Variants in SETD5 observed in about 807,000 individuals in gnomAD.
The protein encoded by SETD5 is SET domain containing 5.
Under a neutral mutation model 153.3 loss-of-function variants are expected in SETD5, and 44 were observed. The observed-to-expected ratio is 0.29, with a 90% confidence interval of 0.23 to 0.37. SETD5 has a LOEUF of 0.37. SETD5 is among the 10% of genes least tolerant of loss of function. The probability of loss-of-function intolerance (pLI) is 1.00; values close to 1 mark genes in which losing one functional copy is unlikely to be tolerated. For missense variants in SETD5, 1,544 were observed against 1,768.0 expected (o/e 0.87, Z 2.27); for synonymous variants, 716 against 645.2 (o/e 1.11, Z -1.66).
rs542855438 is a variant in SETD5 at position 9,424,519 on chromosome 3, A to G, written c.-124A>G. Reference sequence around the variant, plus strand: ...GGGGGGACTTCATATTCAGAAGTCTATATAAAGGTGACTGACCCAAGTAAA... The same window carrying G: ...GGGGGGACTTCATATTCAGAAGTCTGTATAAAGGTGACTGACCCAAGTAAA... On this transcript the variant is annotated 5_prime_UTR_variant, in exon 2 of 23. Transcript: ENST00000402198. 68 of 152,324 alleles carry G rather than the reference A, an allele frequency of 4.5e-4. No individual in the cohort carries two copies. The highest frequency in any genetic ancestry group is 1.5e-3 in the African/African-American group (62 of 41,572). 9.4% of individuals were successfully genotyped at this position (152,324 alleles called of 1,614,324 possible). A position where few individuals can be genotyped will look rare whatever the true frequency, so the allele number is the denominator to read the frequency against.
Position 9,437,391 on chromosome 3 carries a change from G to C in SETD5, c.567+1485G>C, listed in dbSNP as rs971848910. On this transcript the variant is annotated intron_variant, in intron 7 of 22. Transcript: ENST00000402198. ...GATATCAAATAAAAGAGTTTATGAA[G>C]TATGATTTTGTAAAGAACTTGGAGA... Among the ~76,000 whole-genome samples the C allele has an allele frequency of 2.0e-5, 3 of 152,152 alleles. No individual in the cohort carries two copies. In the East Asian group the frequency reaches 5.8e-4, roughly 29 times the overall value.
intron 7 of SETD5, 51 bp from the exon 8 acceptor site, chr3:9,440,405 C>A: frequency 1.0e-6 from 1 of 987,034 alleles, no homozygotes; most frequent in Non-Finnish European, 1.6e-6. Context: ...CATTCCCAAC[C>A]CTCTATTTAT....
intron 7 of SETD5, among the ~76,000 whole-genome samples, chr3:9,438,688 C>G (rs2040895390): frequency 6.6e-6 from 1 of 152,196 alleles, no homozygotes; most frequent in African/African-American, 2.4e-5. Context: ...TCAAGAGCAG[C>G]TTCCCTACTG....
intron 10 of SETD5, 71 bp downstream of exon 10, chr3:9,442,316 A>G (rs2041390445): frequency 1.8e-6 from 2 of 1,096,460 alleles, no homozygotes; most frequent in East Asian, 2.5e-5. Flanking sequence ...AAGCAGTGTG[A>G]AAACTTCACT....
Position 9,397,912 on chromosome 3 carries a change from C to G in SETD5, c.-242C>G, listed in dbSNP as rs1291906928. On this transcript the variant is annotated 5_prime_UTR_variant, in exon 1 of 23. Transcript: ENST00000402198. ...CGCCGCGTTGGGCCTAACTCGAGTC[C>G]TGCCGCCTCCCGGGAGTGCCGTGCG... is the stretch of plus-strand genomic sequence containing the variant. 6.6e-6 allele frequency: 1 copy of G among 152,232 alleles called. No individual in the cohort carries two copies. Among genetic ancestry groups the G allele is most frequent in the South Asian group, 2.1e-4 (1 of 4,820 alleles). 9.4% of individuals were successfully genotyped at this position (152,232 alleles called of 1,614,324 possible).
chr3:9,451,853 C>G (rs1430472751), intron 16 of SETD5, among the ~76,000 whole-genome samples: 1 of 152,174 alleles, frequency 6.6e-6, no homozygotes, highest in Non-Finnish European at 1.5e-5. Context: ...ATCTTTGAGC[C>G]TCCCAGAAAA....
At chr3:9,419,551 C>T (rs117546159) in intron 1 of SETD5, among the ~76,000 whole-genome samples, 1 of 152,034 alleles carries the variant, frequency 6.6e-6, no homozygotes, top group Non-Finnish European at 1.5e-5. Flanking sequence ...GAGTGACAGA[C>T]CCTGTCTCAA....
intron 1 of SETD5, among the ~76,000 whole-genome samples, chr3:9,403,330 G>A (rs974801352): frequency 6.6e-6 from 1 of 152,152 alleles, no homozygotes; most frequent in African/African-American, 2.4e-5. Context: ...CTAGGTGCAA[G>A]TCACCTCCCG....
intron 1 of SETD5, among the ~76,000 whole-genome samples, chr3:9,422,059 T>G (rs2038491323): frequency 1.3e-5 from 2 of 152,158 alleles, no homozygotes; most frequent in Admixed American, 1.3e-4. Context: ...TTTTATAATT[T>G]TATAATACTG....
rs574958767 is a variant in SETD5 at position 9,452,833 on chromosome 3, G to A, written c.2347-906G>A. Among the ~76,000 whole-genome samples the A allele has an allele frequency of 2.6e-5, 4 of 151,958 alleles. No individual in the cohort carries two copies. In the South Asian group the frequency reaches 8.3e-4, roughly 32 times the overall value. On this transcript the variant is annotated intron_variant, in intron 16 of 22. Transcript: ENST00000402198. Reference sequence around the variant, plus strand: ...ATTCACCTTTGCTCTTCCTATTGGGGGAGGGTCTTACTCAGAAATTGATGT... The same window carrying A: ...ATTCACCTTTGCTCTTCCTATTGGGAGAGGGTCTTACTCAGAAATTGATGT...
intron 1 of SETD5, among the ~76,000 whole-genome samples, chr3:9,417,554 C>G (rs1267364199): frequency 6.6e-6 from 1 of 151,380 alleles, no homozygotes; most frequent in Non-Finnish European, 1.5e-5. Flanking sequence ...GGCGTGATCT[C>G]CACTCACTGC....
At chr3:9,400,667 C>G (rs943710358) in intron 1 of SETD5, among the ~76,000 whole-genome samples, 1 of 152,138 alleles carries the variant, frequency 6.6e-6, no homozygotes, top group Admixed American at 6.5e-5. Context: ...AAGATTGATT[C>G]ATTATATACA....
In SETD5 at chr3:9,442,240, G is replaced by T; in HGVS notation, c.1072G>T (p.Ala358Ser). The change falls in exon 10 of 23, where the codon GCA becomes TCA. Residue 358 changes from alanine (A) to serine (S), a missense_variant. By Grantham distance (99) the Ala-to-Ser change is moderately conservative (BLOSUM62 1). Coordinates refer to ENST00000402198, the MANE Select transcript of SETD5 (RefSeq NM_001080517.3). ...RFIRRSCTPN[A>S]EVRHMIADGM... ...CATCAGAAGATCATGTACACCAAAT[G>T]CAGAGGTAAGATATCTGTAGCAACT... is the stretch of plus-strand genomic sequence containing the variant. The T allele has an allele frequency of 6.2e-7, 1 of 1,607,100 alleles. No individual in the cohort carries two copies.
chr3:9,417,835 A>G (rs1221102412), intron 1 of SETD5, among the ~76,000 whole-genome samples: 1 of 147,236 alleles, frequency 6.8e-6, no homozygotes, highest in South Asian at 2.1e-4. Flanking sequence ...TTCCCCACAT[A>G]TTCTAAAATA....
At chr3:9,454,363 A>T (rs1308880009) in intron 17 of SETD5, among the ~76,000 whole-genome samples, 1 of 152,138 alleles carries the variant, frequency 6.6e-6, no homozygotes, top group Non-Finnish European at 1.5e-5. Context: ...TCGCACCTGT[A>T]ATCCCAGCAC....
At chr3:9,429,276 A>C (rs535639388) in intron 3 of SETD5, 4 of 248,914 alleles carry the variant, frequency 1.6e-5, no homozygotes, top group East Asian at 9.4e-5. Context: ...ATTTGTTTTA[A>C]TGGGTGGAGA....
intron 16 of SETD5, 71 bp downstream of exon 16, chr3:9,448,701 T>G (rs1196598076): frequency 1.5e-6 from 2 of 1,378,464 alleles, no homozygotes; most frequent in Admixed American, 5.8e-5. Context: ...CTAAGATTCC[T>G]ATCATCATGA....
At chr3:9,448,658 G>T in intron 16 of SETD5, 28 bp downstream of exon 16, 2 of 1,484,824 alleles carry the variant, frequency 1.3e-6, no homozygotes, top group Non-Finnish European at 1.8e-6. Flanking sequence ...TGTGTGTGTT[G>T]TGTTTATGTG....
rs770635971 is a variant in SETD5, at chr3:9,475,584, T to C, written c.3822T>C (p.Tyr1274=). 3 of 1,613,942 alleles carry C rather than the reference T, an allele frequency of 1.9e-6. No individual in the cohort carries two copies. Among genetic ancestry groups the C allele is most frequent in the African/African-American group, 1.3e-5 (1 of 75,016 alleles). ...CTACACAGTCTCCAGGATACAGTTA[T>C]CGAACTACTGCACTGAGACCTGGAA... ...GHPTQSPGYS[Y]RTTALRPGNP... is the part of the protein sequence containing the mutation. The change falls in exon 23 of 23, where the codon TAT becomes TAC. Residue 1274 remains tyrosine (Y), a synonymous_variant. Coordinates refer to ENST00000402198, the MANE Select transcript of SETD5 (RefSeq NM_001080517.3).
Sources: allele counts gnomAD v4.1 joint callset (sites outside exome capture counted in the v4.1 genomes callset), GRCh38; gene constraint gnomAD v4.1.1; transcripts MANE v1.5; gene names NCBI Gene and HGNC (gene_info 2026-07-23, HGNC 2026-07-21).